Variants in SCARF2 observed in about 807,000 individuals in gnomAD.
SCARF2 encodes scavenger receptor class F member 2, also known as scavenger receptor expressed by endothelial cells 2 protein.
SCARF2 carries 39 observed loss-of-function variants against 73.4 expected under a neutral mutation model. The ratio of observed to expected loss-of-function variants is 0.53; its 90% confidence interval spans 0.41 to 0.69. SCARF2 has a LOEUF of 0.69. SCARF2 is among the 30% of genes least tolerant of loss of function. The pLI is 0.00. For missense variants in SCARF2, 1,148 were observed against 1,303.5 expected, an observed-to-expected ratio of 0.88 and a Z score of 1.84; for synonymous variants, 605 against 590.0, an observed-to-expected ratio of 1.03 and a Z score of -0.37.
In SCARF2 at chr22:20,425,051, A is replaced by C; in HGVS notation, c.*324T>G. On this transcript the variant is annotated 3_prime_UTR_variant, in exon 11 of 11. Transcript: ENST00000622235. The surrounding 1 kb of genome is among the most constrained non-coding windows in gnomAD (Gnocchi z 4.6). ...CTAACCAAGTCCACTCCTGGCCAGT[A>C]AGAGGCGGTCTTTAAGCGGAACCCT... 3.4e-6 allele frequency: 1 copy of C among 298,368 alleles called. No individual in the cohort carries two copies. Among genetic ancestry groups the C allele is most frequent in the Non-Finnish European group, 6.2e-6 (1 of 161,368 alleles). The allele number at this position is 298,368 out of a possible 1,614,324, so 18.5% of individuals were successfully genotyped here. A position where few individuals can be genotyped will look rare whatever the true frequency, so the allele number is the denominator to read the frequency against.
At chr22:20,430,996 C>T in intron 4 of SCARF2, 22 bp downstream of exon 4, 1 of 1,566,976 alleles carries the variant, frequency 6.4e-7, no homozygotes, top group Non-Finnish European at 8.6e-7. Flanking sequence ...TCCTCCCTCC[C>T]TGGCCGAGAG....
chr22:20,425,229 G>C lies in SCARF2; in HGVS notation c.*146C>G, dbSNP rs2052557591. ...CTGCTCCAATCCAGGAGCGGCTGCA[G>C]GACCTGAGCCAATGAGACGCAACCT... is the stretch of plus-strand genomic sequence containing the variant. On this transcript the variant is annotated 3_prime_UTR_variant, in exon 11 of 11. Transcript: ENST00000622235. The surrounding 1 kb of genome is among the most constrained non-coding windows in gnomAD (Gnocchi z 4.6). The C allele has an allele frequency of 1.6e-6, 1 of 613,878 alleles. No homozygotes were observed. Among genetic ancestry groups the C allele is most frequent in the African/African-American group, 1.9e-5 (1 of 52,160 alleles). 38.0% of individuals were successfully genotyped at this position (613,878 alleles called of 1,614,324 possible).
chr22:20,428,016 G>A (rs1268026977), intron 9 of SCARF2, among the ~76,000 whole-genome samples: 1 of 152,168 alleles, frequency 6.6e-6, no homozygotes, highest in Non-Finnish European at 1.5e-5. Context: ...TGCACCCTAG[G>A]CCTGGCCTCC....
intron 1 of SCARF2, among the ~76,000 whole-genome samples, chr22:20,432,786 G>A (rs989440162): frequency 5.9e-5 from 9 of 152,172 alleles, no homozygotes; most frequent in Admixed American, 2.6e-4. Flanking sequence ...GCACGATCTC[G>A]GCTCACTGCA....
intron 9 of SCARF2, among the ~76,000 whole-genome samples, chr22:20,428,613 G>A (rs2052606802): frequency 6.6e-6 from 1 of 152,094 alleles, no homozygotes; most frequent in Non-Finnish European, 1.5e-5. Context: ...TTGGCTAAGG[G>A]GTTTTCTCAG....
chr22:20,437,824 G>A lies in SCARF2; in HGVS notation c.-70C>T, dbSNP rs888142816. ...CGCAGCGAGAGCGGCCGGAAGCGGA[G>A]TGCGAGGCCGGGCGGGGGGCGGCAG... On this transcript the variant is annotated 5_prime_UTR_variant, in exon 1 of 11. Coordinates refer to ENST00000622235, the MANE Select transcript of SCARF2 (RefSeq NM_182895.5). 5 of 578,778 alleles carry A rather than the reference G, an allele frequency of 8.6e-6. No homozygotes were observed. Among genetic ancestry groups the A allele is most frequent in the Non-Finnish European group, 1.1e-5 (5 of 458,500 alleles). 35.9% of individuals were successfully genotyped at this position (578,778 alleles called of 1,614,324 possible). A position where few individuals can be genotyped will look rare whatever the true frequency, so the allele number is the denominator to read the frequency against.
Position 20,425,832 on chromosome 22 carries a change from CG to C in SCARF2, c.2143del (p.Arg715GlyfsTer224). The C allele has an allele frequency of 3.2e-6, 5 of 1,564,872 alleles. No individual in the cohort carries two copies. The highest frequency in any genetic ancestry group is 2.3e-5 in the South Asian group (2 of 86,416). ...SAHTVEHGSP[R>X]TRDPTPRPPG... ...GGGCCGCGGCGTTGGGTCGCGGGTC[CG>C]GGGGCTGCCGTGTTCGACCGTATGC... On this transcript the variant is annotated frameshift_variant, in exon 11 of 11. Transcript: ENST00000622235. LOFTEE classifies it low-confidence loss of function (END_TRUNC). This position sits in a 1 kb window ranked among gnomAD's most constrained non-coding sequence, Gnocchi z 4.6.
intron 10 of SCARF2, among the ~76,000 whole-genome samples, chr22:20,426,659 G>A (rs1174985059): frequency 6.6e-6 from 1 of 152,250 alleles, no homozygotes; most frequent in Non-Finnish European, 1.5e-5. Context: ...TTCTAGCTGG[G>A]CGTGGTGGCT....
chr22:20,431,037 C>T lies in SCARF2; in HGVS notation c.835G>A (p.Gly279Ser), dbSNP rs1303455947. The T allele has an allele frequency of 6.3e-7, 1 of 1,575,210 alleles. No homozygotes were observed. Among genetic ancestry groups the T allele is most frequent in the Non-Finnish European group, 8.6e-7 (1 of 1,168,838 alleles). ...GCTTACCGGCGGCGACAGCCCAAGC[C>T]GTAGAAGCCGGCGGGGCACGGCTCG... ...CREPCPAGFY[G>S]LGCRRRCGQC... The change falls in exon 4 of 11, where the codon GGC (glycine) becomes AGC (serine). Residue 279 changes from glycine (G) to serine (S), a missense_variant. This residue lies in a region of SCARF2 where 372 missense variants were observed against 532.0 expected (regional missense o/e 0.70). Coordinates refer to ENST00000622235, the MANE Select transcript of SCARF2 (RefSeq NM_182895.5).
In SCARF2 at chr22:20,429,288, T is replaced by C. The variant is rs200502439; in HGVS notation, c.1477A>G (p.Ser493Gly). ...KAPHRLCGRFSRISMKLPRIP... is the reference protein window; with the variant it reads ...KAPHRLCGRFGRISMKLPRIP... ...CGGGGCAGCTTCATGCTGATGCGAC[T>C]GAAGCGCCCGCATAGTCGGTGCGGC... Residue 493 changes from serine to glycine, a missense_variant, in exon 9 of 11, where the codon AGT becomes GGT. Around this residue, in one of 5 missense-constraint regions of SCARF2, gnomAD observed 437 missense variants for 433.6 expected, o/e 1.01. Transcript: ENST00000622235. The surrounding 1 kb of genome is among the most constrained non-coding windows in gnomAD (Gnocchi z 5.2). The C allele has an allele frequency of 4.3e-6, 7 of 1,613,152 alleles. No homozygotes were observed. In the African/African-American group the frequency reaches 9.4e-5, roughly 22 times the overall value.
At chr22:20,436,717 A>C (rs2052704106) in intron 1 of SCARF2, among the ~76,000 whole-genome samples, 3 of 151,742 alleles carry the variant, frequency 2.0e-5, no homozygotes, top group Admixed American at 2.0e-4. Context: ...GCGCCCCCAC[A>C]CGCCCGCTCC....
chr22:20,432,076 C>T, intron 1 of SCARF2, 88 bp from the exon 2 acceptor site: 2 of 1,362,574 alleles, frequency 1.5e-6, no homozygotes, highest in Non-Finnish European at 2.0e-6. Flanking sequence ...CGCACAGCCT[C>T]CCTGCCTCTG....
Position 20,429,610 on chromosome 22 carries a change from G to T in SCARF2, c.1350C>A (p.Leu450=), listed in dbSNP as rs752665244. ...AGAGCAGCAGGCAGACGAGCAGGAC[G>T]AGCAGCGCGCCCGCGCCCATCACGC... ...RKGVMGAGAL[L]VLLVCLLLSL... Residue 450 remains leucine, a synonymous_variant, in exon 8 of 11, where the codon CTC becomes CTA. Transcript: ENST00000622235. This position sits in a 1 kb window ranked among gnomAD's most constrained non-coding sequence, Gnocchi z 5.2. The T allele has an allele frequency of 1.3e-5, 21 of 1,613,532 alleles. No homozygotes were observed. Among genetic ancestry groups the T allele is most frequent in the Admixed American group, 3.3e-5 (2 of 60,004 alleles).
chr22:20,436,053 G>A (rs897801300), intron 1 of SCARF2, among the ~76,000 whole-genome samples: 1 of 152,246 alleles, frequency 6.6e-6, no homozygotes, highest in African/African-American at 2.4e-5. Flanking sequence ...TGACCACAGC[G>A]ATCTCCACTT....
chr22:20,425,703 C>T lies in SCARF2; in HGVS notation c.2273G>A (p.Gly758Asp), dbSNP rs779177615. The change falls in exon 11 of 11, where the codon GGT becomes GAT. Residue 758 changes from glycine to aspartate, a missense_variant. Transcript: ENST00000622235. This position sits in a 1 kb window ranked among gnomAD's most constrained non-coding sequence, Gnocchi z 4.6. ...PGLLEPTDAGGPPRSAPEAAS... is the reference protein window; with the variant it reads ...PGLLEPTDAGDPPRSAPEAAS... ...AGCCTCGGGCGCGCTTCGCGGGGGA[C>T]CGCCGGCGTCCGTGGGCTCCAAGAG... 8 of 1,228,666 alleles carry T rather than the reference C, an allele frequency of 6.5e-6. No homozygotes were observed. The highest frequency in any genetic ancestry group is 8.1e-6 in the Non-Finnish European group (8 of 987,528). 76.1% of individuals were successfully genotyped at this position (1,228,666 alleles called of 1,614,324 possible). A position where few individuals can be genotyped will look rare whatever the true frequency, so the allele number is the denominator to read the frequency against.
intron 10 of SCARF2, among the ~76,000 whole-genome samples, 185 bp downstream of exon 10, chr22:20,427,213 T>G (rs143670550): frequency 3.6e-5 from 5 of 140,512 alleles, no homozygotes; most frequent in Non-Finnish European, 6.2e-5. Context: ...CACACCTGTC[T>G]CCGGTACTGA....
intron 4 of SCARF2, 52 bp downstream of exon 4, chr22:20,430,966 C>T (rs2146130311): frequency 6.4e-7 from 1 of 1,563,118 alleles, no homozygotes; most frequent in South Asian, 1.2e-5. Context: ...CTGTCCCCAT[C>T]GGCGGCCCGC....
chr22:20,431,829 A>G lies in SCARF2; in HGVS notation c.250T>C (p.Ser84Pro), dbSNP rs760563903. 6.3e-7 allele frequency: 1 copy of G among 1,599,234 alleles called. No homozygotes were observed. Among genetic ancestry groups the G allele is most frequent in the East Asian group, 2.3e-5 (1 of 44,300 alleles). Reference protein sequence around the residue: ...ECGIAVCEGNSTCSENEVCVR... With the variant: ...ECGIAVCEGNPTCSENEVCVR... The stretch of plus-strand genomic sequence containing the variant: ...CACACCTCGTTCTCTGAGCACGTGG[A>G]GTTGCCTTCGCACACCGCTGTGGAC... Residue 84 changes from serine (S) to proline (P), a missense_variant, in exon 3 of 11, where the codon TCC becomes CCC. Ser to Pro is a moderately conservative substitution (Grantham distance 74). Coordinates refer to ENST00000622235, the MANE Select transcript of SCARF2 (RefSeq NM_182895.5).
rs778246163 is a variant in SCARF2 at position 20,429,580 on chromosome 22, C to T, written c.1380G>A (p.Leu460=). The T allele has an allele frequency of 6.2e-7, 1 of 1,613,340 alleles. No individual in the cohort carries two copies. Among genetic ancestry groups the T allele is most frequent in the Admixed American group, 1.7e-5 (1 of 60,012 alleles). Residue 460 remains leucine (L), a synonymous_variant, in exon 8 of 11, where the codon CTG becomes CTA. Coordinates refer to ENST00000622235, the MANE Select transcript of SCARF2 (RefSeq NM_182895.5). The surrounding 1 kb of genome is among the most constrained non-coding windows in gnomAD (Gnocchi z 5.2). The part of the protein sequence containing the change: ...LVLLVCLLLS[L]LGCCCACRGK... ...CGCGGCAAGCGCAGCAGCAGCCGAG[C>T]AGCGAGAGCAGCAGGCAGACGAGCA...
Sources: allele counts gnomAD v4.1 joint callset (sites outside exome capture counted in the v4.1 genomes callset), GRCh38; gene constraint gnomAD v4.1.1; regional missense constraint gnomAD v4.1.1; non-coding constraint Gnocchi (gnomAD v3.1); transcripts MANE v1.5; gene names NCBI Gene and HGNC (gene_info 2026-07-23, HGNC 2026-07-21).